Variants in ABCC9 observed in about 807,000 individuals in gnomAD.
The protein encoded by ABCC9 is ATP-binding cassette sub-family C member 9.
ABCC9 carries 95 observed loss-of-function variants against 188.3 expected under a neutral mutation model. The ratio of observed to expected loss-of-function variants is 0.50; its 90% CI spans 0.43 to 0.60. The LOEUF is 0.60. Ranked by LOEUF, ABCC9 falls within the 20% of genes least tolerant of loss-of-function variation. The probability of loss-of-function intolerance (pLI) is 0.00; values close to 1 mark genes in which losing one functional copy is unlikely to be tolerated. For synonymous variants in ABCC9, 659 were observed against 652.7 expected, an observed-to-expected ratio of 1.01 and a Z score of -0.15; for missense variants, 1,102 against 1,876.3, an observed-to-expected ratio of 0.59 and a Z score of 7.62.
At chr12:21,808,219 A>T (rs1941991900) in intron 37 of ABCC9, among the ~76,000 whole-genome samples, 2 of 152,082 alleles carry the variant, frequency 1.3e-5, no homozygotes. Flanking sequence ...ATTTGTCATG[A>T]TGGGAAAATA....
At chr12:21,835,560 C>A (rs2252704) in intron 30 of ABCC9, among the ~76,000 whole-genome samples, 152,332 of 152,332 alleles carry the variant, frequency 1, 76,166 homozygotes, top group Non-Finnish European at 1. Context: ...AGGCACAAGT[C>A]ATATAACCTA....
intron 4 of ABCC9, among the ~76,000 whole-genome samples, chr12:21,929,929 A>T (rs907419763): frequency 6.6e-6 from 1 of 151,740 alleles, no homozygotes; most frequent in African/African-American, 2.4e-5. Flanking sequence ...GGTGTGCTGC[A>T]CCTATTAACT....
At chr12:21,806,884 C>T (rs1388881053) in intron 38 of ABCC9, among the ~76,000 whole-genome samples, 3 of 152,084 alleles carry the variant, frequency 2.0e-5, no homozygotes, top group African/African-American at 7.2e-5. Flanking sequence ...TTACCATAAA[C>T]ACATAGAGAA....
intron 2 of ABCC9, among the ~76,000 whole-genome samples, 195 bp from the exon 3 acceptor site, chr12:21,936,889 C>T (rs1949510781): frequency 6.6e-6 from 1 of 152,060 alleles, no homozygotes; most frequent in Non-Finnish European, 1.5e-5. Context: ...TCTTCTTTTC[C>T]ATAGCTTTTA....
At chr12:21,801,814 G>A (rs139209014) in intron 39 of ABCC9, among the ~76,000 whole-genome samples, 128 of 152,248 alleles carry the variant, frequency 8.4e-4, no homozygotes, top group African/African-American at 2.9e-3. Flanking sequence ...CATATATTAA[G>A]TTCTCCACAC....
intron 5 of ABCC9, among the ~76,000 whole-genome samples, chr12:21,917,981 T>A (rs968800359): frequency 1.3e-5 from 2 of 151,962 alleles, no homozygotes; most frequent in African/African-American, 4.8e-5. Flanking sequence ...GCATATGAAC[T>A]CAATGTGTAT....
At chr12:21,915,331 A>G (rs1214238835) in intron 7 of ABCC9, among the ~76,000 whole-genome samples, 5 of 131,132 alleles carry the variant, frequency 3.8e-5, no homozygotes, top group East Asian at 2.2e-4. Flanking sequence ...ATATGTGTGT[A>G]TATATAGACA....
At chr12:21,927,220 C>A (rs1949077062) in intron 4 of ABCC9, among the ~76,000 whole-genome samples, 1 of 152,184 alleles carries the variant, frequency 6.6e-6, no homozygotes, top group African/African-American at 2.4e-5. Flanking sequence ...TCATGGAAGG[C>A]TTTGTATGCC....
At chr12:21,871,133 T>C (rs1251810089) in intron 18 of ABCC9, among the ~76,000 whole-genome samples, 1 of 152,190 alleles carries the variant, frequency 6.6e-6, no homozygotes, top group Non-Finnish European at 1.5e-5. Flanking sequence ...CCAAATAACT[T>C]AATTATGGTT....
intron 24 of ABCC9, 140 bp from the exon 25 acceptor site, chr12:21,848,386 C>T: frequency 1.4e-6 from 1 of 733,832 alleles, no homozygotes. Context: ...ATCCACAACT[C>T]CTGTCACAGA....
chr12:21,882,568 C>T (rs1294735354), intron 16 of ABCC9, among the ~76,000 whole-genome samples, 198 bp downstream of exon 16: 1 of 152,080 alleles, frequency 6.6e-6, no homozygotes, highest in Non-Finnish European at 1.5e-5. Context: ...AAATGTGCTG[C>T]TGGAGCAAAA....
At position 21,882,823 on chromosome 12, in the gene ABCC9, G is replaced by C; in HGVS notation, c.1962C>G (p.Ser654Arg). The change falls in exon 16 of 40, where the codon AGC (serine) becomes AGG (arginine). Residue 654 changes from serine (S) to arginine (R), a missense_variant. By Grantham distance (110) the Ser-to-Arg change is moderately radical. Around this residue, in one of 12 missense-constraint regions of ABCC9, gnomAD observed 258 missense variants for 325.6 expected, o/e 0.79. Transcript: ENST00000261200. ...RKQPGRYHLD[S>R]YEQSTRRLRP... Reference sequence around the variant, plus strand: ...GTAGACGCCGTGTTGATTGCTCATAGCTGTCCAGGTGATATCTTCCAGGCT... The same window carrying C: ...GTAGACGCCGTGTTGATTGCTCATACCTGTCCAGGTGATATCTTCCAGGCT... 6.2e-7 allele frequency: 1 copy of C among 1,614,040 alleles called. No individual in the cohort carries two copies. The highest frequency in any genetic ancestry group is 8.5e-7 in the Non-Finnish European group (1 of 1,179,966).
In ABCC9 at chr12:21,800,978, T is replaced by C; in HGVS notation, c.*66A>G. On this transcript the variant is annotated 3_prime_UTR_variant, in exon 40 of 40. Coordinates refer to ENST00000261200, the MANE Select transcript of ABCC9 (RefSeq NM_020297.4). ...AGATGCCACTTTACAGAGGTCAAGC[T>C]GATGATCCATTAATTAGGTTATGAC... 1 of 1,591,096 alleles carries C rather than the reference T, an allele frequency of 6.3e-7. No homozygotes were observed. The highest frequency in any genetic ancestry group is 1.1e-5 in the South Asian group (1 of 90,284).
In ABCC9 at chr12:21,822,596, G is replaced by A. The variant is rs557544752; in HGVS notation, c.3670-4345C>T. Among the ~76,000 whole-genome samples, 6 of 151,784 alleles carry A rather than the reference G, an allele frequency of 4.0e-5. No individual in the cohort carries two copies. In the East Asian group the frequency reaches 5.8e-4, roughly 15 times the overall value. On this transcript the variant is annotated intron_variant, in intron 31 of 39. Coordinates refer to ENST00000261200, the MANE Select transcript of ABCC9 (RefSeq NM_020297.4). ...GGTCAGATCACGAGGTCAGGAGATC[G>A]AGACCATCCTGGCTAACACAGTGAA...
chr12:21,904,081 A>T (rs1947910613), intron 12 of ABCC9, among the ~76,000 whole-genome samples: 1 of 152,170 alleles, frequency 6.6e-6, no homozygotes, highest in African/African-American at 2.4e-5. Context: ...CAAAACAGAG[A>T]TATAGACCAA....
At chr12:21,910,379 C>G in intron 9 of ABCC9, 67 bp from the exon 10 acceptor site, 2 of 1,419,264 alleles carry the variant, frequency 1.4e-6, no homozygotes, top group Non-Finnish European at 1.9e-6. Context: ...ATTATTTTCA[C>G]TGAAAATAAA....
intron 16 of ABCC9, 145 bp downstream of exon 16, chr12:21,882,621 G>A (rs565015103): frequency 2.8e-6 from 2 of 706,214 alleles, no homozygotes; most frequent in East Asian, 5.6e-5. Flanking sequence ...TTAAAACTCA[G>A]AATTTTTTTT....
At chr12:21,840,007 G>A (rs1371460313) in intron 29 of ABCC9, among the ~76,000 whole-genome samples, 1 of 152,174 alleles carries the variant, frequency 6.6e-6, no homozygotes, top group Non-Finnish European at 1.5e-5. Flanking sequence ...TCACTACATT[G>A]AGGTTTGGAG....
chr12:21,928,374 AAG>A lies in ABCC9; in HGVS notation c.285-2313_285-2312del, dbSNP rs1179064317. On this transcript the variant is annotated intron_variant, in intron 4 of 39. Coordinates refer to ENST00000261200, the MANE Select transcript of ABCC9 (RefSeq NM_020297.4). The stretch of plus-strand genomic sequence containing the variant: ...AGAGAAAGAAAGAAAGAAAAAGAAA[AAG>A]AGAGAAAGAAAAGAGGAAGGGAGGG... Among the ~76,000 whole-genome samples, 145 of 146,816 alleles carry A rather than the reference AAG, an allele frequency of 9.9e-4. 1 individual carries two copies. Among genetic ancestry groups the A allele is most frequent in the African/African-American group, 3.2e-3 (128 of 39,954 alleles).
Sources: allele counts gnomAD v4.1 joint callset (sites outside exome capture counted in the v4.1 genomes callset), GRCh38; gene constraint gnomAD v4.1.1; regional missense constraint gnomAD v4.1.1; transcripts MANE v1.5; gene names NCBI Gene and HGNC (gene_info 2026-07-23, HGNC 2026-07-21).